Variants in LONP2 observed in about 807,000 individuals in gnomAD.
LONP2 encodes the protein lon protease homolog 2, peroxisomal.
Under a neutral mutation model 85.6 loss-of-function variants are expected in LONP2, and 60 were observed. The observed-to-expected ratio is 0.70, with a 90% CI of 0.57 to 0.87. LONP2 has a LOEUF of 0.87. LONP2 is among the 40% of genes least tolerant of loss of function. The probability of loss-of-function intolerance (pLI) is 0.00; values close to 1 mark genes in which losing one functional copy is unlikely to be tolerated. For missense variants in LONP2, 860 were observed against 1,063.5 expected (o/e 0.81, Z 2.66); for synonymous variants, 395 against 389.7 (o/e 1.01, Z -0.16).
chr16:48,320,512 A>G (rs547215486), intron 11 of LONP2, among the ~76,000 whole-genome samples: 24 of 152,180 alleles, frequency 1.6e-4, no homozygotes, highest in African/African-American at 5.8e-4. Context: ...GGATTTTACA[A>G]ATAAGCCAAG....
At position 48,244,455 on chromosome 16, in the gene LONP2, C is replaced by G; in HGVS notation, c.67C>G (p.Leu23Val). The G allele has an allele frequency of 1.3e-6, 2 of 1,596,784 alleles. No homozygotes were observed. The highest frequency in any genetic ancestry group is 1.7e-6 in the Non-Finnish European group (2 of 1,175,878). The change falls in exon 1 of 15, where the codon CTG becomes GTG. Residue 23 changes from leucine to valine, a missense_variant. By Grantham distance (32) the Leu-to-Val change is conservative. Around this residue, in one of 3 missense-constraint regions of LONP2, gnomAD observed 743 missense variants for 917.3 expected, o/e 0.81. Coordinates refer to ENST00000285737, the MANE Select transcript of LONP2 (RefSeq NM_031490.5). Reference protein sequence around the residue: ...LPLLLTHEGVLLPGSTMRTSV... With the variant: ...LPLLLTHEGVVLPGSTMRTSV... ...GCTGCTGCTCACCCACGAGGGCGTC[C>G]TGCTGCCCGGCTCCACCATGCGCAC...
chr16:48,334,419 C>T (rs1959574807), intron 12 of LONP2, 61 bp downstream of exon 12: 3 of 1,602,944 alleles, frequency 1.9e-6, no homozygotes, highest in South Asian at 1.1e-5. Flanking sequence ...TTATTGAGGC[C>T]CCAGGGCCGT....
At chr16:48,361,748 T>C, downstream of LONP2, 2 of 1,614,240 alleles carry the variant, frequency 1.2e-6, no homozygotes, top group Non-Finnish European at 1.7e-6. Flanking sequence ...TATGACCATT[T>C]AGCTCAAGTC....
intron 12 of LONP2, among the ~76,000 whole-genome samples, chr16:48,337,376 T>C (rs1327247810): frequency 6.6e-6 from 1 of 152,212 alleles, no homozygotes; most frequent in East Asian, 1.9e-4. Flanking sequence ...GCTCAACTTG[T>C]TGACCACTCC....
chr16:48,298,629 GTGT>G (rs1567329362), intron 9 of LONP2, among the ~76,000 whole-genome samples: 16 of 111,426 alleles, frequency 1.4e-4, no homozygotes, highest in Admixed American at 1.0e-3. Flanking sequence ...TAATTGAGGT[GTGT>G]GTGTGTGTGT....
intron 1 of LONP2, among the ~76,000 whole-genome samples, chr16:48,246,331 A>G (rs2150955184): frequency 6.6e-6 from 1 of 152,338 alleles, no homozygotes; most frequent in Middle Eastern, 3.4e-3. Context: ...GTTTCCCAAC[A>G]TACGACTCTG....
rs1018240856 is a variant in LONP2, at chr16:48,300,333, G to A, written c.1661+545G>A. 5.3e-5 allele frequency among the ~76,000 whole-genome samples: 8 copies of A among 152,188 alleles called. 1 individual carries two copies. The highest frequency in any genetic ancestry group is 1.9e-4 in the African/African-American group (8 of 41,456). On this transcript the variant is annotated intron_variant, in intron 10 of 14. Coordinates refer to ENST00000285737, the MANE Select transcript of LONP2 (RefSeq NM_031490.5). ...AACAATAGAGAAGGTGCCTTCCCAA[G>A]TTTACTACCAAATGCTTAAGCCTGT...
intron 11 of LONP2, among the ~76,000 whole-genome samples, chr16:48,312,977 G>T (rs1973066508): frequency 6.6e-6 from 1 of 152,166 alleles, no homozygotes; most frequent in Non-Finnish European, 1.5e-5. Flanking sequence ...TGAGCCCCCT[G>T]AATGGGTACT....
rs1960218635 is a variant in LONP2, at chr16:48,353,473, G to C, written c.*1671G>C. 1.3e-5 allele frequency: 2 copies of C among 150,202 alleles called. No individual in the cohort carries two copies. The highest frequency in any genetic ancestry group is 6.7e-5 in the Admixed American group (1 of 14,918). The allele number at this position is 150,202 out of a possible 1,614,324, so 9.3% of individuals were successfully genotyped here. Reference sequence around the variant, plus strand: ...CACGCCACTGCACTCCAGCACCCTGGGCGACAGAGTGAGACCCTGTCTCAA... The same window carrying C: ...CACGCCACTGCACTCCAGCACCCTGCGCGACAGAGTGAGACCCTGTCTCAA... On this transcript the variant is annotated 3_prime_UTR_variant, in exon 15 of 15. Coordinates refer to ENST00000285737, the MANE Select transcript of LONP2 (RefSeq NM_031490.5).
In LONP2 at chr16:48,337,594, A is replaced by G. The variant is rs186476845; in HGVS notation, c.1938+3236A>G. On this transcript the variant is annotated intron_variant, in intron 12 of 14. Coordinates refer to ENST00000285737, the MANE Select transcript of LONP2 (RefSeq NM_031490.5). ...AACCTAGTGCTGTTTATTACTCTAG[A>G]AAAACATCACAGGCAACCTGAGCAG... Among the ~76,000 whole-genome samples the G allele has an allele frequency of 5.1e-3, 776 of 152,126 alleles. 7 individuals carry two copies. Among genetic ancestry groups the G allele is most frequent in the Middle Eastern group, 0.024 (7 of 294 alleles).
intron 2 of LONP2, among the ~76,000 whole-genome samples, chr16:48,256,376 T>C (rs1249259781): frequency 6.6e-6 from 1 of 152,264 alleles, no homozygotes; most frequent in Non-Finnish European, 1.5e-5. Context: ...ACAAAACCCT[T>C]GTAAACATTA....
chr16:48,335,546 T>C (rs1241445234), intron 12 of LONP2, among the ~76,000 whole-genome samples: 1 of 152,254 alleles, frequency 6.6e-6, no homozygotes, highest in East Asian at 1.9e-4. Context: ...ATGTTTGTAT[T>C]ATACTACTGA....
chr16:48,328,101 T>A (rs967732313), intron 11 of LONP2, among the ~76,000 whole-genome samples: 1 of 151,960 alleles, frequency 6.6e-6, no homozygotes, highest in Non-Finnish European at 1.5e-5. Context: ...CTGGGAGAAT[T>A]TGCTAAAGGA....
intron 11 of LONP2, among the ~76,000 whole-genome samples, chr16:48,308,901 T>C (rs1254569160): frequency 6.6e-6 from 1 of 151,982 alleles, no homozygotes; most frequent in East Asian, 1.9e-4. Flanking sequence ...AAAATACATA[T>C]GCAAAAGACC....
chr16:48,304,432 A>C (rs1972869389), intron 11 of LONP2, among the ~76,000 whole-genome samples: 1 of 152,214 alleles, frequency 6.6e-6, no homozygotes, highest in Admixed American at 6.5e-5. Context: ...GGCCAGGCAC[A>C]GTGGCTCATG....
intron 2 of LONP2, 41 bp from the exon 3 acceptor site, chr16:48,256,569 A>G: frequency 1.3e-6 from 2 of 1,599,480 alleles, no homozygotes; most frequent in Non-Finnish European, 1.7e-6. Context: ...TTCACAAATA[A>G]TGCCAGATTT....
intron 6 of LONP2, among the ~76,000 whole-genome samples, chr16:48,266,664 A>C (rs1971997125): frequency 6.6e-6 from 1 of 152,104 alleles, no homozygotes; most frequent in Admixed American, 6.5e-5. Context: ...AGGTTCATCC[A>C]TGTTGCTGTA....
At chr16:48,288,376 A>C (rs997868854) in intron 8 of LONP2, among the ~76,000 whole-genome samples, 1 of 152,034 alleles carries the variant, frequency 6.6e-6, no homozygotes, top group African/African-American at 2.4e-5. Flanking sequence ...GCTGGTCTCG[A>C]ACTCCTGACC....
chr16:48,355,609 C>T lies in LONP2; in HGVS notation c.*3807C>T, dbSNP rs1960314704. ...CCAAACTTTTCCACCGCAGCTGCACCATTTGACATTCCTTCCAGCAATGCA... is the reference window on the plus strand; with the variant it reads ...CCAAACTTTTCCACCGCAGCTGCACTATTTGACATTCCTTCCAGCAATGCA... On this transcript the variant is annotated 3_prime_UTR_variant, in exon 15 of 15. Transcript: ENST00000285737. 6.6e-6 allele frequency: 1 copy of T among 152,182 alleles called. No homozygotes were observed. The highest frequency in any genetic ancestry group is 2.4e-5 in the African/African-American group (1 of 41,434). 9.4% of individuals were successfully genotyped at this position (152,182 alleles called of 1,614,324 possible). A position where few individuals can be genotyped will look rare whatever the true frequency, so the allele number is the denominator to read the frequency against.
Sources: gnomAD v4.1 joint callset for allele counts (sites outside exome capture counted in the v4.1 genomes callset) on GRCh38, gnomAD v4.1.1 for gene constraint, gnomAD v4.1.1 regional missense constraint, MANE v1.5 for transcripts, NCBI Gene and HGNC (gene_info 2026-07-23, HGNC 2026-07-21) for gene names.